Variants in AGTRAP observed in about 807,000 individuals in gnomAD.
The protein encoded by AGTRAP is type-1 angiotensin II receptor-associated protein.
AGTRAP carries 7 observed loss-of-function variants against 15.2 expected under a neutral mutation model. The ratio of observed to expected loss-of-function variants is 0.46; its 90% CI spans 0.26 to 0.87. The LOEUF is 0.87. Among genes scored for constraint, AGTRAP ranks in the 40% least tolerant of loss-of-function variants. The pLI is 0.15. For missense variants in AGTRAP, 187 were observed against 213.4 expected (o/e 0.88, Z 0.77); for synonymous variants, 74 against 89.6 (o/e 0.83, Z 0.98).
At chr1:11,746,183 C>T (rs936361315) in intron 2 of AGTRAP, 1 of 1,613,476 alleles carries the variant, frequency 6.2e-7, no homozygotes, top group Admixed American at 1.7e-5. Context: ...CTCACCTGTG[C>T]ACTTTGCAAA....
rs77218260 is a variant in AGTRAP at position 11,747,888 on chromosome 1, G to A, written c.168+343G>A. Among the ~76,000 whole-genome samples, 116 of 152,320 alleles carry A rather than the reference G, an allele frequency of 7.6e-4. 4 individuals carry two copies. In the East Asian group the frequency reaches 0.017, roughly 23 times the overall value. On this transcript the variant is annotated intron_variant, in intron 3 of 4. Transcript: ENST00000314340. ...CCCTCTGCGGCTCTCTTTTAGGGGA[G>A]GGGATATGGCTGGGAGACCCGGCCA... is the stretch of plus-strand genomic sequence containing the variant.
At chr1:11,737,116 C>G (rs952130967) in intron 1 of AGTRAP, among the ~76,000 whole-genome samples, 2 of 152,192 alleles carry the variant, frequency 1.3e-5, no homozygotes, top group African/African-American at 2.4e-5. Context: ...ACTAAAGGAA[C>G]CTGAGAAATA....
In AGTRAP at chr1:11,745,940, G is replaced by A. The variant is rs1030147132; in HGVS notation, c.62+103G>A. The A allele has an allele frequency of 6.7e-7, 1 of 1,491,118 alleles. No homozygotes were observed. The highest frequency in any genetic ancestry group is 9.4e-7 in the Non-Finnish European group (1 of 1,069,184). 92.4% of individuals were successfully genotyped at this position (1,491,118 alleles called of 1,614,324 possible). On this transcript the variant is annotated intron_variant, in intron 2 of 4. Coordinates refer to ENST00000314340, the MANE Select transcript of AGTRAP (RefSeq NM_020350.5). The surrounding 1 kb of genome is among the most constrained non-coding windows in gnomAD (Gnocchi z 4.2). Reference sequence around the variant, plus strand: ...CCGTGTTTTAACCAGGTCACTTTGGGCCAGACAGCTCTGCCTCTCCGGGTC... The same window carrying A: ...CCGTGTTTTAACCAGGTCACTTTGGACCAGACAGCTCTGCCTCTCCGGGTC...
chr1:11,746,224 G>A (rs1052047474), intron 2 of AGTRAP: 7 of 1,602,114 alleles, frequency 4.4e-6, no homozygotes, highest in Non-Finnish European at 6.0e-6. Flanking sequence ...GGCAACAGCT[G>A]TGAGTAATGT....
At chr1:11,744,091 CAT>C (rs1490080301) in intron 1 of AGTRAP, among the ~76,000 whole-genome samples, 1 of 152,084 alleles carries the variant, frequency 6.6e-6, no homozygotes, top group East Asian at 1.9e-4. Flanking sequence ...GCCTGGTTAA[CAT>C]AGGGAGACCT....
rs77846706 is a variant in AGTRAP at position 11,747,847 on chromosome 1, A to G, written c.168+302A>G. Among the ~76,000 whole-genome samples the G allele has an allele frequency of 1.0e-3, 157 of 152,348 alleles. 2 individuals carry two copies. Among genetic ancestry groups the G allele is most frequent in the African/African-American group, 3.4e-3 (143 of 41,598 alleles). Reference sequence around the variant, plus strand: ...TTAGCCACTTCGCAAGAGCAGTGGAACATCCCCTGTAACCTCCCTCTGCGG... The same window carrying G: ...TTAGCCACTTCGCAAGAGCAGTGGAGCATCCCCTGTAACCTCCCTCTGCGG... On this transcript the variant is annotated intron_variant, in intron 3 of 4. Coordinates refer to ENST00000314340, the MANE Select transcript of AGTRAP (RefSeq NM_020350.5).
At chr1:11,749,898 G>T (rs1642271706) in intron 4 of AGTRAP, among the ~76,000 whole-genome samples, 179 bp from the exon 5 acceptor site, 1 of 152,288 alleles carries the variant, frequency 6.6e-6, no homozygotes, top group Middle Eastern at 3.4e-3. Context: ...GATACGGCAG[G>T]ATTGAATGAA....
chr1:11,738,639 CCTT>C (rs1641955111), intron 1 of AGTRAP, among the ~76,000 whole-genome samples: 2 of 152,160 alleles, frequency 1.3e-5, no homozygotes, highest in South Asian at 4.1e-4. Context: ...GCAGTATTGC[CCTT>C]CTTTGCAGAA....
In AGTRAP at chr1:11,748,583, C is replaced by A; in HGVS notation, c.337C>A (p.Arg113Ser). The A allele has an allele frequency of 6.2e-7, 1 of 1,609,444 alleles. No homozygotes were observed. The highest frequency in any genetic ancestry group is 8.5e-7 in the Non-Finnish European group (1 of 1,179,968). Reference protein sequence around the residue: ...CCFVYHMYRERGGELLVHTGF... With the variant: ...CCFVYHMYRESGGELLVHTGF... ...CTTCGTCTACCACATGTACCGGGAG[C>A]GCGGGGGTGAGCTCCTGGTCCACAC... is the stretch of plus-strand genomic sequence containing the variant. The change falls in exon 4 of 5, where the codon CGC becomes AGC. Residue 113 changes from arginine to serine, a missense_variant. Transcript: ENST00000314340.
chr1:11,746,327 C>T (rs1642163351), intron 2 of AGTRAP: 4 of 1,067,698 alleles, frequency 3.7e-6, no homozygotes, highest in Non-Finnish European at 5.4e-6. Context: ...GTTGGTGATT[C>T]TGGGCTGGGA....
intron 1 of AGTRAP, among the ~76,000 whole-genome samples, chr1:11,736,493 C>G (rs989830478): frequency 1.3e-5 from 2 of 152,218 alleles, no homozygotes; most frequent in African/African-American, 4.8e-5. Flanking sequence ...CTCCCGGACT[C>G]AGACCCTCCC....
intron 1 of AGTRAP, among the ~76,000 whole-genome samples, chr1:11,736,812 A>G (rs1570334184): frequency 6.6e-6 from 1 of 152,358 alleles, no homozygotes; most frequent in East Asian, 1.9e-4. Flanking sequence ...AACTTTGTGC[A>G]CTGGGGAAAA....
intron 1 of AGTRAP, among the ~76,000 whole-genome samples, chr1:11,738,601 C>T (rs1641954222): frequency 6.6e-6 from 1 of 152,216 alleles, no homozygotes; most frequent in Non-Finnish European, 1.5e-5. Flanking sequence ...CCCTGTACCA[C>T]TGGATCCACA....
chr1:11,746,215 G>A lies in AGTRAP; in HGVS notation c.62+378G>A, dbSNP rs755348017. The A allele has an allele frequency of 3.1e-6, 5 of 1,608,162 alleles. No homozygotes were observed. In the South Asian group the frequency reaches 5.6e-5, roughly 18 times the overall value. ...CAAACTTCGAAGTGCAGCGCACAGG[G>A]CAACAGCTGTGAGTAATGTGAACTG... On this transcript the variant is annotated intron_variant, in intron 2 of 4. Transcript: ENST00000314340.
Position 11,746,262 on chromosome 1 carries a change from T to G in AGTRAP, c.62+425T>G, listed in dbSNP as rs371098675. On this transcript the variant is annotated intron_variant, in intron 2 of 4. Transcript: ENST00000314340. Reference sequence around the variant, plus strand: ...ACTGTAACCATCATGATTCACGACCTTGAGAAGCAGGGCCAAAATACAGAT... The same window carrying G: ...ACTGTAACCATCATGATTCACGACCGTGAGAAGCAGGGCCAAAATACAGAT... 3.3e-6 allele frequency: 5 copies of G among 1,521,950 alleles called. No homozygotes were observed. In the African/African-American group the frequency reaches 6.9e-5, roughly 21 times the overall value. 94.3% of individuals were successfully genotyped at this position (1,521,950 alleles called of 1,614,324 possible). A position where few individuals can be genotyped will look rare whatever the true frequency, so the allele number is the denominator to read the frequency against.
chr1:11,747,297 C>G, intron 2 of AGTRAP, 143 bp from the exon 3 acceptor site: 1 of 740,454 alleles, frequency 1.4e-6, no homozygotes, highest in Non-Finnish European at 2.4e-6. Context: ...GGAGGCGGAG[C>G]CCATGGGATT....
intron 1 of AGTRAP, among the ~76,000 whole-genome samples, chr1:11,737,571 C>T (rs1048090406): frequency 6.6e-6 from 1 of 152,172 alleles, no homozygotes; most frequent in African/African-American, 2.4e-5. Flanking sequence ...CAAACTTCAG[C>T]TTAGACTGGG....
chr1:11,739,625 T>C (rs1461171052), intron 1 of AGTRAP, among the ~76,000 whole-genome samples: 1 of 152,202 alleles, frequency 6.6e-6, no homozygotes, highest in African/African-American at 2.4e-5. Context: ...GTTTGTAAGC[T>C]TTATGAATTG....
chr1:11,745,864 T>C lies in AGTRAP; in HGVS notation c.62+27T>C, dbSNP rs1470306992. On this transcript the variant is annotated intron_variant, in intron 2 of 4. Coordinates refer to ENST00000314340, the MANE Select transcript of AGTRAP (RefSeq NM_020350.5). This position sits in a 1 kb window ranked among gnomAD's most constrained non-coding sequence, Gnocchi z 4.2. Reference sequence around the variant, plus strand: ...TAAGTGACTCTGTGGGTATCTTGTGTGTCTCCTGCGGTCTCAGGGTCTGTG... The same window carrying C: ...TAAGTGACTCTGTGGGTATCTTGTGCGTCTCCTGCGGTCTCAGGGTCTGTG... The C allele has an allele frequency of 6.2e-7, 1 of 1,613,864 alleles. No individual in the cohort carries two copies. Among genetic ancestry groups the C allele is most frequent in the African/African-American group, 1.3e-5 (1 of 74,918 alleles).
Sources: gnomAD v4.1 joint callset for allele counts (sites outside exome capture counted in the v4.1 genomes callset) on GRCh38, gnomAD v4.1.1 for gene constraint, Gnocchi (gnomAD v3.1) non-coding constraint, MANE v1.5 for transcripts, NCBI Gene and HGNC (gene_info 2026-07-23, HGNC 2026-07-21) for gene names.